The following PARP8 variants were observed in gnomAD, a reference collection of about 807,000 sequenced individuals.
The protein encoded by PARP8 is protein mono-ADP-ribosyltransferase PARP8.
PARP8 carries 51 observed loss-of-function variants against 124.1 expected under a neutral mutation model. The observed-to-expected ratio is 0.41, with a 90% CI of 0.33 to 0.52. PARP8 has a LOEUF of 0.52. Among genes scored for constraint, PARP8 ranks in the 20% least tolerant of loss-of-function variants. The pLI is 0.21. For missense variants in PARP8, 860 were observed against 1,018.9 expected (o/e 0.84, Z 2.12); for synonymous variants, 391 against 361.5 (o/e 1.08, Z -0.93).
intron 3 of PARP8, among the ~76,000 whole-genome samples, chr5:50,753,471 A>G (rs1759483818): frequency 1.3e-5 from 2 of 152,146 alleles, no homozygotes; most frequent in African/African-American, 2.4e-5. Flanking sequence ...CCTAATAAAC[A>G]TTTATATTTT....
intron 15 of PARP8, among the ~76,000 whole-genome samples, chr5:50,819,424 C>CTTTTT (rs1745488801): frequency 1.3e-5 from 1 of 77,618 alleles, no homozygotes; most frequent in African/African-American, 5.5e-5. Flanking sequence ...GCTATTTTAT[C>CTTTTT]TTCTTTTTTT....
intron 25 of PARP8, among the ~76,000 whole-genome samples, chr5:50,838,150 C>G (rs1561453405): frequency 6.6e-6 from 1 of 152,012 alleles, no homozygotes; most frequent in Non-Finnish European, 1.5e-5. Flanking sequence ...AAATAGGAAC[C>G]CATTATTTAA....
Position 50,810,080 on chromosome 5 carries a change from A to C in PARP8, c.1576-5352A>C, listed in dbSNP as rs541115601. On this transcript the variant is annotated intron_variant, in intron 14 of 25. Transcript: ENST00000281631. ...TAAAAATGTTTTCATTTTAGTTGAAAACTTCTAAAATATATCTTATTTTAG... is the reference window on the plus strand; with the variant it reads ...TAAAAATGTTTTCATTTTAGTTGAACACTTCTAAAATATATCTTATTTTAG... Among the ~76,000 whole-genome samples the C allele has an allele frequency of 2.0e-5, 3 of 152,138 alleles. No individual in the cohort carries two copies. The East Asian group carries it at 5.8e-4, about 29-fold the overall frequency.
In PARP8 at chr5:50,799,468, T is replaced by C. The variant is rs1249414011; in HGVS notation, c.1575+2235T>C. ...AGTACCACATTGTCTTGATTAATGT[T>C]GCTTTATAGTAAGTTTGAAATCAAG... is the stretch of plus-strand genomic sequence containing the variant. On this transcript the variant is annotated intron_variant, in intron 14 of 25. Transcript: ENST00000281631. 2.0e-5 allele frequency among the ~76,000 whole-genome samples: 3 copies of C among 152,238 alleles called. No homozygotes were observed. The East Asian group carries it at 5.8e-4, about 29-fold the overall frequency.
intron 14 of PARP8, among the ~76,000 whole-genome samples, chr5:50,804,822 GT>G (rs1189779321): frequency 6.6e-6 from 1 of 152,104 alleles, no homozygotes; most frequent in African/African-American, 2.4e-5. Context: ...TCCGAGAACA[GT>G]TTTTATATTT....
At chr5:50,678,458 A>G (rs1409986617) in intron 2 of PARP8, among the ~76,000 whole-genome samples, 2 of 152,190 alleles carry the variant, frequency 1.3e-5, no homozygotes, top group East Asian at 3.8e-4. Context: ...AATGAAGGAT[A>G]TCTATGTCTC....
At chr5:50,793,392 A>T (rs944165536) in intron 10 of PARP8, among the ~76,000 whole-genome samples, 5 of 152,324 alleles carry the variant, frequency 3.3e-5, no homozygotes, top group Non-Finnish European at 1.5e-5. Flanking sequence ...GAAAATGGAG[A>T]TACAGAGAAG....
chr5:50,708,282 G>A (rs1754370478), intron 2 of PARP8, among the ~76,000 whole-genome samples: 1 of 151,984 alleles, frequency 6.6e-6, no homozygotes, highest in Non-Finnish European at 1.5e-5. Flanking sequence ...CATATTCTCT[G>A]AGAGTATGAT....
At chr5:50,745,635 G>A (rs1758464037) in intron 2 of PARP8, among the ~76,000 whole-genome samples, 1 of 152,102 alleles carries the variant, frequency 6.6e-6, no homozygotes, top group South Asian at 2.1e-4. Flanking sequence ...ATGAATTAAG[G>A]CCTCATTTTG....
Position 50,829,869 on chromosome 5 carries a change from C to T in PARP8, c.2164-23C>T. On this transcript the variant is annotated intron_variant, in intron 21 of 25. Transcript: ENST00000281631. ...TTAAACCATGAACAGACCTCTCTCT[C>T]TCTCCCACTCTTCCCATCTTAGCTC... is the stretch of plus-strand genomic sequence containing the variant. 4 of 1,586,720 alleles carry T rather than the reference C, an allele frequency of 2.5e-6. No homozygotes were observed. In the South Asian group the frequency reaches 3.5e-5, roughly 14 times the overall value.
At chr5:50,671,581 C>T (rs1253793779) in intron 2 of PARP8, among the ~76,000 whole-genome samples, 4 of 151,714 alleles carry the variant, frequency 2.6e-5, no homozygotes, top group African/African-American at 9.7e-5. Context: ...TGACTTCTGT[C>T]TTCTGTTAAC....
At chr5:50,738,602 T>A (rs1248505472) in intron 2 of PARP8, among the ~76,000 whole-genome samples, 2 of 152,006 alleles carry the variant, frequency 1.3e-5, no homozygotes, top group East Asian at 3.9e-4. Flanking sequence ...AACAAAAATA[T>A]TTGTTTTGGC....
chr5:50,810,808 A>G (rs1241180232), intron 14 of PARP8, among the ~76,000 whole-genome samples: 1 of 152,106 alleles, frequency 6.6e-6, no homozygotes, highest in Admixed American at 6.6e-5. Context: ...ACCTTCTAGT[A>G]AAAATGAGCA....
intron 3 of PARP8, among the ~76,000 whole-genome samples, chr5:50,750,725 A>G (rs933365579): frequency 1.3e-5 from 2 of 152,100 alleles, no homozygotes; most frequent in African/African-American, 4.8e-5. Flanking sequence ...ATTTGAAAAT[A>G]CTTTCTTAAA....
At chr5:50,782,526 G>C (rs746968820) in intron 9 of PARP8, among the ~76,000 whole-genome samples, 1 of 152,132 alleles carries the variant, frequency 6.6e-6, no homozygotes, top group Non-Finnish European at 1.5e-5. Context: ...AGAATAATTA[G>C]GTTTTATTCT....
chr5:50,837,851 A>G (rs1747753368), intron 25 of PARP8, among the ~76,000 whole-genome samples: 2 of 152,068 alleles, frequency 1.3e-5, no homozygotes, highest in African/African-American at 4.8e-5. Context: ...AAATTCCAAA[A>G]TGAAGAAACT....
At chr5:50,763,358 AG>A in intron 7 of PARP8, 116 bp downstream of exon 7, 2 of 727,820 alleles carry the variant, frequency 2.7e-6, no homozygotes, top group Non-Finnish European at 4.7e-6. Flanking sequence ...AAAGTGTTTT[AG>A]AAAGAGTCTA....
At chr5:50,701,914 C>G (rs1470680802) in intron 2 of PARP8, among the ~76,000 whole-genome samples, 2 of 151,990 alleles carry the variant, frequency 1.3e-5, no homozygotes, top group Non-Finnish European at 2.9e-5. Context: ...AGAATTTGAC[C>G]TAGTTCTTAT....
chr5:50,783,396 A>G (rs1369205199), intron 9 of PARP8, among the ~76,000 whole-genome samples: 1 of 152,132 alleles, frequency 6.6e-6, no homozygotes, highest in African/African-American at 2.4e-5. Flanking sequence ...ACAAAACACA[A>G]TGGCCTATGT....
Sources: gnomAD v4.1 joint callset for allele counts (sites outside exome capture counted in the v4.1 genomes callset) on GRCh38, gnomAD v4.1.1 for gene constraint, MANE v1.5 for transcripts, NCBI Gene and HGNC (gene_info 2026-07-23, HGNC 2026-07-21) for gene names.